Variants in NXPE4 observed in about 807,000 individuals in gnomAD.
NXPE4 encodes the protein NXPE family member 4.
A neutral mutation model predicts 33.3 loss-of-function variants in NXPE4; 42 were observed. That is an observed-to-expected ratio of 1.26 (90% CI 0.98 to 1.63). NXPE4 has a LOEUF of 1.63. NXPE4 is among the 40% of genes most tolerant of loss of function. The pLI is 0.00. For synonymous variants in NXPE4, 253 were observed against 234.9 expected (o/e 1.08, Z -0.71); for missense variants, 709 against 647.6 (o/e 1.09, Z -1.03).
the NXPE4 span, among the ~76,000 whole-genome samples, chr11:114,651,327 G>A: frequency 8.7e-3 from 1,322 of 151,714 alleles, 19 homozygotes; most frequent in African/African-American, 0.031. Context: ...CCTTGTTACA[G>A]CTCGTTAAGG....
intron 2 of NXPE4, among the ~76,000 whole-genome samples, chr11:114,590,933 T>C (rs1293578938): frequency 6.6e-6 from 1 of 152,178 alleles, no homozygotes; most frequent in Non-Finnish European, 1.5e-5. Flanking sequence ...GGGTCAGCAG[T>C]TCTGTTAAAA....
the NXPE4 span, among the ~76,000 whole-genome samples, chr11:114,663,513 T>G: frequency 6.6e-6 from 1 of 152,054 alleles, no homozygotes; most frequent in African/African-American, 2.4e-5. Flanking sequence ...AGTAGGGGTG[T>G]AAACTGGGAG....
In NXPE4 at chr11:114,582,345, T is replaced by C; in HGVS notation, c.773A>G (p.Tyr258Cys). The C allele has an allele frequency of 6.2e-7, 1 of 1,610,606 alleles. No individual in the cohort carries two copies. Among genetic ancestry groups the C allele is most frequent in the Non-Finnish European group, 8.5e-7 (1 of 1,177,786 alleles). Residue 258 changes from tyrosine to cysteine, a missense_variant, in exon 3 of 6, where the codon TAT (tyrosine) becomes TGT (cysteine). Transcript: ENST00000375478. ...ATAAGAAACTTTCTTGTTCTTAGAA[T>C]ACATGTGAGTGAGTGCAGCACAGGG... ...HMPCAALTHMYSKNKKVSYLS... is the reference protein window; with the variant it reads ...HMPCAALTHMCSKNKKVSYLS...
the NXPE4 span, among the ~76,000 whole-genome samples, chr11:114,615,523 G>T: frequency 5.9e-5 from 9 of 151,860 alleles, no homozygotes; most frequent in African/African-American, 1.9e-4. Context: ...TGCCTCACAG[G>T]TAACCACTGT....
At chr11:114,640,105 T>C in the NXPE4 span, among the ~76,000 whole-genome samples, 1 of 125,362 alleles carries the variant, frequency 8.0e-6, no homozygotes, top group African/African-American at 3.1e-5. Flanking sequence ...TATATGATTA[T>C]ATATTGTATT....
the NXPE4 span, among the ~76,000 whole-genome samples, chr11:114,648,579 C>A: frequency 6.6e-6 from 1 of 152,104 alleles, no homozygotes; most frequent in Admixed American, 6.6e-5. Context: ...AATATGTATA[C>A]CTCATGACCC....
chr11:114,590,442 G>T (rs189662734), intron 2 of NXPE4, among the ~76,000 whole-genome samples: 153 of 152,242 alleles, frequency 1.0e-3, no homozygotes, highest in Middle Eastern at 3.4e-3. Context: ...ACAGGATTTT[G>T]CAGGCTATGG....
At chr11:114,640,029 C>CATTATATTATTTT in the NXPE4 span, among the ~76,000 whole-genome samples, 24 of 115,280 alleles carry the variant, frequency 2.1e-4, 1 homozygote, top group Non-Finnish European at 3.1e-4. Flanking sequence ...TATAATGTAA[C>CATTATATTATTTT]ATAATTATAT....
chr11:114,614,459 G>A, the NXPE4 span, among the ~76,000 whole-genome samples: 21 of 151,782 alleles, frequency 1.4e-4, no homozygotes, highest in Non-Finnish European at 2.4e-4. Flanking sequence ...ACTGTTACCC[G>A]CTGGATGACA....
At chr11:114,626,417 C>A in the NXPE4 span, among the ~76,000 whole-genome samples, 2 of 152,128 alleles carry the variant, frequency 1.3e-5, no homozygotes, top group Non-Finnish European at 2.9e-5. Context: ...CAGGGGCAGA[C>A]TGACACCTCA....
the NXPE4 span, among the ~76,000 whole-genome samples, chr11:114,611,661 T>C: frequency 1.3e-5 from 2 of 150,680 alleles, no homozygotes; most frequent in Non-Finnish European, 1.5e-5. Flanking sequence ...ACCTGGTGGA[T>C]AATACGTGTT....
the NXPE4 span, among the ~76,000 whole-genome samples, chr11:114,662,949 A>G: frequency 2.3e-3 from 353 of 152,236 alleles, 2 homozygotes; most frequent in Non-Finnish European, 3.5e-3. Context: ...CTTGCTCTCT[A>G]TAAGTACCAG....
At position 114,582,747 on chromosome 11, in the gene NXPE4, C is replaced by A; in HGVS notation, c.371G>T (p.Arg124Met). The A allele has an allele frequency of 2.5e-6, 4 of 1,614,166 alleles. No homozygotes were observed. Among genetic ancestry groups the A allele is most frequent in the East Asian group, 2.2e-5 (1 of 44,876 alleles). The change falls in exon 3 of 6, where the codon AGG becomes ATG. Residue 124 changes from arginine to methionine, a missense_variant. Transcript: ENST00000375478. ...GDQLHILLEVRDHLGRRKQYG... is the reference protein window; with the variant it reads ...GDQLHILLEVMDHLGRRKQYG... ...TTGCTTCCTGCGTCCCAAGTGGTCCCTCACCTCCAGCAGGATGTGCAGCTG... is the reference window on the plus strand; with the variant it reads ...TTGCTTCCTGCGTCCCAAGTGGTCCATCACCTCCAGCAGGATGTGCAGCTG...
the NXPE4 span, among the ~76,000 whole-genome samples, chr11:114,667,081 G>A: frequency 6.6e-6 from 1 of 152,070 alleles, no homozygotes; most frequent in Non-Finnish European, 1.5e-5. Flanking sequence ...CATGTGCCAG[G>A]TGTTGTTCTA....
At chr11:114,589,465 C>T (rs73557432) in intron 2 of NXPE4, among the ~76,000 whole-genome samples, 7,915 of 152,168 alleles carry the variant, frequency 0.052, 684 homozygotes, top group African/African-American at 0.18. Context: ...ATATGTTTTT[C>T]TCAACCCCTT....
At chr11:114,601,732 T>A in the NXPE4 span, among the ~76,000 whole-genome samples, 1 of 71,966 alleles carries the variant, frequency 1.4e-5, no homozygotes, top group Non-Finnish European at 2.3e-5. Context: ...AATTATATAT[T>A]ATATATAATT....
At chr11:114,609,616 A>C in the NXPE4 span, among the ~76,000 whole-genome samples, 1 of 151,424 alleles carries the variant, frequency 6.6e-6, no homozygotes, top group Non-Finnish European at 1.5e-5. Flanking sequence ...GTGGGTAGGC[A>C]TGCTTACCCG....
At chr11:114,581,109 T>C (rs898627193) in intron 4 of NXPE4, among the ~76,000 whole-genome samples, 1 of 152,226 alleles carries the variant, frequency 6.6e-6, no homozygotes, top group Non-Finnish European at 1.5e-5. Flanking sequence ...AGGCTTTCTT[T>C]CTTTTTTTAT....
chr11:114,623,765 G>A, the NXPE4 span, among the ~76,000 whole-genome samples: 2 of 151,604 alleles, frequency 1.3e-5, no homozygotes, highest in Non-Finnish European at 2.9e-5. Context: ...GATAATACAT[G>A]TTGCCTCGTG....
Sources: allele counts gnomAD v4.1 joint callset (sites outside exome capture counted in the v4.1 genomes callset), GRCh38; gene constraint gnomAD v4.1.1; transcripts MANE v1.5; gene names NCBI Gene and HGNC (gene_info 2026-07-23, HGNC 2026-07-21).